Variants in JADE3 observed in about 807,000 individuals in gnomAD.
JADE3 encodes the protein jade family PHD finger 3.
In JADE3, 2 loss-of-function variants were observed where a neutral mutation model predicts 50.1. That is an observed-to-expected ratio of 0.04 (90% CI 0.02 to 0.13). The LOEUF (loss-of-function observed/expected upper bound fraction) is 0.13. Ranked by LOEUF, JADE3 falls within the 10% of genes least tolerant of loss-of-function variation. JADE3 has a pLI of 1.00. For missense variants in JADE3, 475 were observed against 634.4 expected, an observed-to-expected ratio of 0.75 and a Z score of 2.70; for synonymous variants, 218 against 232.9, an observed-to-expected ratio of 0.94 and a Z score of 0.58.
chrX:47,028,671 C>T (rs1192978732), intron 6 of JADE3, among the ~76,000 whole-genome samples: 1 of 111,395 alleles, frequency 9.0e-6, no homozygotes, highest in Non-Finnish European at 1.9e-5. Context: ...AGTGACTTTA[C>T]CCAAGCTGGT....
At chrX:46,953,966 T>C (rs1569535154) in intron 1 of JADE3, among the ~76,000 whole-genome samples, 1 of 111,753 alleles carries the variant, frequency 8.9e-6, no homozygotes, top group East Asian at 2.8e-4. Flanking sequence ...CTGTCCTTCC[T>C]AACATTACAG....
chrX:47,023,028 A>G (rs1014783464), intron 4 of JADE3, among the ~76,000 whole-genome samples: 6 of 111,552 alleles, frequency 5.4e-5, no homozygotes, highest in African/African-American at 2.0e-4. Context: ...GACGTTATTG[A>G]GCATCTATTT....
At chrX:46,964,697 A>G (rs995465342) in intron 1 of JADE3, among the ~76,000 whole-genome samples, 1 of 112,796 alleles carries the variant, frequency 8.9e-6, no homozygotes, top group African/African-American at 3.2e-5. Context: ...TTGTTGCACA[A>G]CAGTCAGTAA....
At chrX:47,019,695 GAT>G (rs1928753251) in intron 4 of JADE3, among the ~76,000 whole-genome samples, 1 of 112,245 alleles carries the variant, frequency 8.9e-6, no homozygotes, top group Non-Finnish European at 1.9e-5. Flanking sequence ...CAAATATTTA[GAT>G]CAACTGAAGA....
intron 1 of JADE3, among the ~76,000 whole-genome samples, chrX:46,922,495 T>C (rs1926244497): frequency 9.0e-6 from 1 of 110,756 alleles, no homozygotes; most frequent in African/African-American, 3.3e-5. Flanking sequence ...AAGTGTGTTA[T>C]ACTGTTTGTT....
chrX:47,045,733 A>G (rs1929354861), intron 8 of JADE3, among the ~76,000 whole-genome samples: 1 of 111,848 alleles, frequency 8.9e-6, no homozygotes, highest in South Asian at 3.7e-4. Flanking sequence ...GAAATCAATA[A>G]CGAAGAATTT....
At chrX:46,995,105 C>T (rs1928095844) in intron 3 of JADE3, among the ~76,000 whole-genome samples, 1 of 106,554 alleles carries the variant, frequency 9.4e-6, no homozygotes. Flanking sequence ...TCTCAGCTCA[C>T]TGCAAGCTCC....
chrX:46,919,658 T>C (rs1926179724), intron 1 of JADE3, among the ~76,000 whole-genome samples: 1 of 111,230 alleles, frequency 9.0e-6, no homozygotes, highest in Non-Finnish European at 1.9e-5. Context: ...CAACAGCTTG[T>C]GGCCTGAAAT....
At chrX:47,010,000 TTCTC>T in intron 4 of JADE3, among the ~76,000 whole-genome samples, 1 of 110,819 alleles carries the variant, frequency 9.0e-6, no homozygotes, top group South Asian at 3.8e-4. Context: ...TTTTTTCACT[TTCTC>T]AAGTGCTTGA....
At chrX:46,932,127 A>G (rs1974322583) in intron 1 of JADE3, among the ~76,000 whole-genome samples, 1 of 112,542 alleles carries the variant, frequency 8.9e-6, no homozygotes, top group African/African-American at 3.2e-5. Flanking sequence ...TAGTTACAAA[A>G]TAACTAGTCC....
At position 47,058,364 on chromosome X, in the gene JADE3, G is replaced by A. The variant is rs1457515850; in HGVS notation, c.1759G>A (p.Glu587Lys). ...CATGCAGGTGCCTCAGGAGTCACTA[G>A]AAATGAGAACAAAATCGTATCCGAG... ...RNMQVPQESL[E>K]MRTKSYPRYP... Residue 587 changes from glutamate to lysine, a missense_variant, in exon 11 of 11, where the codon GAA becomes AAA. Glu to Lys is a moderately conservative substitution (Grantham distance 56). Transcript: ENST00000614628. 8.3e-7 allele frequency: 1 copy of A among 1,208,834 alleles called. No homozygotes were observed. The highest frequency in any genetic ancestry group is 1.1e-6 in the Non-Finnish European group (1 of 894,766).
intron 5 of JADE3, 101 bp from the exon 6 acceptor site, chrX:47,027,791 A>G (rs1389528716): frequency 1.5e-6 from 1 of 648,032 alleles, no homozygotes; most frequent in Admixed American, 3.0e-5. Context: ...AGATGTTTTT[A>G]TCCTTTAGAA....
At chrX:46,947,107 C>T (rs1328099234) in intron 1 of JADE3, among the ~76,000 whole-genome samples, 1 of 111,962 alleles carries the variant, frequency 8.9e-6, no homozygotes, top group Non-Finnish European at 1.9e-5. Flanking sequence ...GCAACCTCCC[C>T]CTCCCAGGCT....
At chrX:46,958,068 A>G (rs1927174029) in intron 1 of JADE3, among the ~76,000 whole-genome samples, 1 of 111,542 alleles carries the variant, frequency 9.0e-6, no homozygotes, top group Non-Finnish European at 1.9e-5. Flanking sequence ...ATGATCCCCA[A>G]ACTTTTTCTA....
intron 7 of JADE3, 152 bp downstream of exon 7, chrX:47,033,940 T>C: frequency 2.2e-6 from 1 of 448,486 alleles, no homozygotes; most frequent in Non-Finnish European, 3.7e-6. Context: ...CCTCAGATCC[T>C]TATTGGATGC....
intron 9 of JADE3, 89 bp downstream of exon 9, chrX:47,054,717 C>T: frequency 3.8e-6 from 2 of 528,472 alleles, no homozygotes; most frequent in Non-Finnish European, 6.0e-6. Context: ...TCAGTCAGCT[C>T]ATAATAGTGT....
intron 4 of JADE3, among the ~76,000 whole-genome samples, chrX:47,001,494 G>A (rs1415962430): frequency 9.0e-6 from 1 of 111,697 alleles, no homozygotes; most frequent in African/African-American, 3.3e-5. Flanking sequence ...ATATAAGCCA[G>A]CCATATTGGA....
intron 1 of JADE3, among the ~76,000 whole-genome samples, chrX:46,927,518 A>T (rs1556339149): frequency 8.9e-6 from 1 of 112,034 alleles, no homozygotes; most frequent in African/African-American, 3.2e-5. Flanking sequence ...TGGTGGTTTG[A>T]CTTGCCCTGT....
chrX:46,986,283 A>G (rs1402886574), intron 3 of JADE3, among the ~76,000 whole-genome samples: 1 of 112,634 alleles, frequency 8.9e-6, no homozygotes, highest in African/African-American at 3.2e-5. Flanking sequence ...CTATATACCA[A>G]CAATACCCAG....
Sources: allele counts gnomAD v4.1 joint callset (sites outside exome capture counted in the v4.1 genomes callset), GRCh38; gene constraint gnomAD v4.1.1; transcripts MANE v1.5; gene names NCBI Gene and HGNC (gene_info 2026-07-23, HGNC 2026-07-21).